The following ARHGAP15 variants were observed in gnomAD, a reference collection of about 807,000 sequenced individuals.
ARHGAP15 encodes Rho GTPase activating protein 15, also known as rho GTPase-activating protein 15.
In ARHGAP15, 51 loss-of-function variants were observed where a neutral mutation model predicts 63.7. That is an observed-to-expected ratio of 0.80 (90% CI 0.64 to 1.01). The LOEUF is 1.01. ARHGAP15 is among the 50% of genes least tolerant of loss of function. ARHGAP15 has a pLI of 0.00. For missense variants in ARHGAP15, 560 were observed against 564.6 expected (o/e 0.99, Z 0.08); for synonymous variants, 191 against 193.8 (o/e 0.99, Z 0.12).
At chr2:143,464,959 A>T (rs1691130720) in intron 8 of ARHGAP15, among the ~76,000 whole-genome samples, 1 of 152,100 alleles carries the variant, frequency 6.6e-6, no homozygotes, top group Non-Finnish European at 1.5e-5. Flanking sequence ...TTTATTTTTT[A>T]AACTTAAAAA....
intron 2 of ARHGAP15, among the ~76,000 whole-genome samples, chr2:143,164,676 T>C (rs898031013): frequency 4.6e-5 from 7 of 152,140 alleles, no homozygotes; most frequent in African/African-American, 1.4e-4. Context: ...GATTTTTTTC[T>C]CCTCTTCCTC....
At chr2:143,258,357 G>A (rs1270865784) in intron 6 of ARHGAP15, among the ~76,000 whole-genome samples, 1 of 151,984 alleles carries the variant, frequency 6.6e-6, no homozygotes, top group East Asian at 1.9e-4. Flanking sequence ...AATGTTTAAA[G>A]CAATATAAGA....
chr2:143,186,828 A>G (rs1347356780), intron 2 of ARHGAP15, among the ~76,000 whole-genome samples: 1 of 152,222 alleles, frequency 6.6e-6, no homozygotes, highest in East Asian at 1.9e-4. Context: ...GGAGGATTAA[A>G]AATGGGTTCA....
intron 6 of ARHGAP15, 25 bp from the exon 7 acceptor site, chr2:143,435,576 C>CTTTT: frequency 7.3e-7 from 1 of 1,361,670 alleles, no homozygotes. Flanking sequence ...CTGTCTATTT[C>CTTTT]TTTTTCTTTT....
chr2:143,248,950 T>C (rs34649233), intron 5 of ARHGAP15, among the ~76,000 whole-genome samples: 25,638 of 152,134 alleles, frequency 0.17, 2,300 homozygotes, highest in Middle Eastern at 0.25. Flanking sequence ...GTACTCTTAA[T>C]GATTATTTTC....
At chr2:143,407,245 A>ATC (rs930507224) in intron 6 of ARHGAP15, among the ~76,000 whole-genome samples, 1 of 151,580 alleles carries the variant, frequency 6.6e-6, no homozygotes, top group African/African-American at 2.4e-5. Flanking sequence ...ATTGATAGAT[A>ATC]TCTCTCTCTC....
intron 8 of ARHGAP15, among the ~76,000 whole-genome samples, chr2:143,470,128 T>C (rs1480148095): frequency 6.7e-6 from 1 of 150,296 alleles, no homozygotes; most frequent in Admixed American, 6.7e-5. Context: ...GATTTCAGTA[T>C]ATCCATGGAT....
chr2:143,297,771 G>A (rs1682708126), intron 6 of ARHGAP15, among the ~76,000 whole-genome samples: 1 of 152,114 alleles, frequency 6.6e-6, no homozygotes, highest in South Asian at 2.1e-4. Context: ...TTGAAATAAA[G>A]TGCTATATTC....
intron 10 of ARHGAP15, among the ~76,000 whole-genome samples, chr2:143,552,518 T>C (rs1448830904): frequency 6.6e-6 from 1 of 151,704 alleles, no homozygotes; most frequent in African/African-American, 2.4e-5. Flanking sequence ...TAACTCCTAA[T>C]TGTGTGTCTA....
chr2:143,192,106 T>C (rs1691706173), intron 2 of ARHGAP15, among the ~76,000 whole-genome samples: 1 of 152,252 alleles, frequency 6.6e-6, no homozygotes, highest in African/African-American at 2.4e-5. Context: ...TTCTACACTT[T>C]AGTGGTATAT....
At chr2:143,579,094 A>G (rs1188293697) in intron 11 of ARHGAP15, among the ~76,000 whole-genome samples, 1 of 152,218 alleles carries the variant, frequency 6.6e-6, no homozygotes, top group Non-Finnish European at 1.5e-5. Context: ...ATGCCACAGC[A>G]TAATAAGGCA....
At chr2:143,747,563 A>T (rs745846024) in intron 13 of ARHGAP15, among the ~76,000 whole-genome samples, 2 of 152,150 alleles carry the variant, frequency 1.3e-5, no homozygotes, top group South Asian at 4.1e-4. Context: ...AAACCTCTGC[A>T]ACCACTGTTC....
intron 6 of ARHGAP15, among the ~76,000 whole-genome samples, chr2:143,293,741 AAT>A (rs1401218825): frequency 6.6e-6 from 1 of 151,992 alleles, no homozygotes; most frequent in African/African-American, 2.4e-5. Context: ...AAGTAATATT[AAT>A]ATATATGTTT....
intron 5 of ARHGAP15, among the ~76,000 whole-genome samples, chr2:143,238,862 TA>T (rs1693755929): frequency 6.6e-6 from 1 of 152,120 alleles, no homozygotes; most frequent in Non-Finnish European, 1.5e-5. Context: ...ACTGTGCAGC[TA>T]TAAAAAGGAA....
chr2:143,603,125 T>C (rs1697843973), intron 11 of ARHGAP15, among the ~76,000 whole-genome samples: 1 of 152,178 alleles, frequency 6.6e-6, no homozygotes, highest in Non-Finnish European at 1.5e-5. Flanking sequence ...ATGTAGTCAA[T>C]GGGACTCACG....
intron 8 of ARHGAP15, among the ~76,000 whole-genome samples, chr2:143,457,245 A>T (rs181513922): frequency 6.6e-6 from 1 of 152,268 alleles, no homozygotes; most frequent in Admixed American, 6.6e-5. Flanking sequence ...CCAAAAAATT[A>T]TAGTGGATGT....
chr2:143,301,779 G>A (rs114737790), intron 6 of ARHGAP15, among the ~76,000 whole-genome samples: 4,540 of 151,300 alleles, frequency 0.03, 111 homozygotes, highest in East Asian at 0.09. Context: ...ATACATGGAC[G>A]GATGTATCTA....
chr2:143,134,314 G>T (rs1689045009), intron 1 of ARHGAP15, among the ~76,000 whole-genome samples: 1 of 152,136 alleles, frequency 6.6e-6, no homozygotes, highest in Admixed American at 6.5e-5. Flanking sequence ...ACTTCCACCA[G>T]CACTTAATGA....
intron 6 of ARHGAP15, among the ~76,000 whole-genome samples, chr2:143,345,365 A>T (rs1685224196): frequency 1.3e-5 from 2 of 152,082 alleles, no homozygotes; most frequent in Admixed American, 6.6e-5. Flanking sequence ...CTTTAAGCAG[A>T]TACACTGTGT....
Sources: gnomAD v4.1 joint callset for allele counts (sites outside exome capture counted in the v4.1 genomes callset) on GRCh38, gnomAD v4.1.1 for gene constraint, MANE v1.5 for transcripts, NCBI Gene and HGNC (gene_info 2026-07-23, HGNC 2026-07-21) for gene names.